The following UBR1 variants were observed in gnomAD, a reference collection of about 807,000 sequenced individuals.
UBR1 encodes ubiquitin protein ligase E3 component n-recognin 1.
UBR1 carries 102 observed loss-of-function variants against 242.1 expected under a neutral mutation model. The ratio of observed to expected loss-of-function variants is 0.42; its 90% confidence interval spans 0.36 to 0.50. The LOEUF (loss-of-function observed/expected upper bound fraction) is 0.50, where lower values mean the gene tolerates loss of function less well. Ranked by LOEUF, UBR1 falls within the 20% of genes least tolerant of loss-of-function variation. The pLI is 0.01. For missense variants in UBR1, 1,772 were observed against 2,101.8 expected, an observed-to-expected ratio of 0.84 and a Z score of 3.07; for synonymous variants, 675 against 684.8, an observed-to-expected ratio of 0.99 and a Z score of 0.22.
At chr15:43,102,601 G>A (rs934730413) in intron 1 of UBR1, among the ~76,000 whole-genome samples, 4 of 152,210 alleles carry the variant, frequency 2.6e-5, no homozygotes, top group Admixed American at 2.0e-4. Context: ...ACAGAAGGCA[G>A]AAGTTCTGGC....
intron 1 of UBR1, among the ~76,000 whole-genome samples, chr15:43,090,994 C>T (rs1386325977): frequency 9.2e-5 from 14 of 152,134 alleles, no homozygotes; most frequent in Non-Finnish European, 1.5e-4. Flanking sequence ...GGCTGGAGTG[C>T]AATGGCACGA....
At chr15:42,980,306 G>A (rs1476690948) in intron 37 of UBR1, among the ~76,000 whole-genome samples, 1 of 152,060 alleles carries the variant, frequency 6.6e-6, no homozygotes, top group Non-Finnish European at 1.5e-5. Context: ...TTTTAACTAT[G>A]GGTTAAGCCA....
At chr15:43,104,651 T>C (rs1364483229) in intron 1 of UBR1, among the ~76,000 whole-genome samples, 1 of 151,990 alleles carries the variant, frequency 6.6e-6, no homozygotes. Flanking sequence ...TAGCTCCCTC[T>C]GTAGTTCCCT....
chr15:42,999,410 T>C (rs1463476335), intron 32 of UBR1, among the ~76,000 whole-genome samples: 2 of 152,246 alleles, frequency 1.3e-5, no homozygotes, highest in Non-Finnish European at 2.9e-5. Flanking sequence ...TTCAGCCCTT[T>C]AACCTACTGC....
In UBR1 at chr15:43,059,179, C is replaced by A. The variant is rs1350052903; in HGVS notation, c.999G>T (p.Gln333His). The change falls in exon 9 of 47, where the codon CAG becomes CAT. Residue 333 changes from glutamine (Q) to histidine (H), a missense_variant. By Grantham distance (24) the Gln-to-His change is conservative. Coordinates refer to ENST00000290650, the MANE Select transcript of UBR1 (RefSeq NM_174916.3). Reference sequence around the variant, plus strand: ...CTCTAAGGCATGCTTGGCAAAAGATCTGCCTAAAGTCACCTACAAACAAAA... The same window carrying A: ...CTCTAAGGCATGCTTGGCAAAAGATATGCCTAAAGTCACCTACAAACAAAA... Reference protein sequence around the residue: ...KIMSYSSDFRQIFCQACLREE... With the variant: ...KIMSYSSDFRHIFCQACLREE... 6.2e-7 allele frequency: 1 copy of A among 1,613,992 alleles called. No homozygotes were observed. Among genetic ancestry groups the A allele is most frequent in the Non-Finnish European group, 8.5e-7 (1 of 1,179,968 alleles).
At chr15:43,005,034 C>T (rs933609556) in intron 30 of UBR1, among the ~76,000 whole-genome samples, 20 of 152,036 alleles carry the variant, frequency 1.3e-4, no homozygotes, top group South Asian at 4.2e-4. Flanking sequence ...GCCGCGACCC[C>T]GTCTGGGAAC....
chr15:43,079,409 A>G (rs1474290320), intron 3 of UBR1, among the ~76,000 whole-genome samples: 1 of 152,212 alleles, frequency 6.6e-6, no homozygotes, highest in Non-Finnish European at 1.5e-5. Flanking sequence ...CTGTACACTA[A>G]AAGGGCCCAT....
intron 29 of UBR1, among the ~76,000 whole-genome samples, chr15:43,010,207 T>G (rs930186197): frequency 1.3e-5 from 2 of 152,134 alleles, no homozygotes; most frequent in East Asian, 3.8e-4. Context: ...ACTCACTAAG[T>G]GTGGTACCAC....
chr15:42,959,846 G>C (rs186762363), intron 43 of UBR1, among the ~76,000 whole-genome samples: 2 of 152,346 alleles, frequency 1.3e-5, no homozygotes, highest in African/African-American at 4.8e-5. Flanking sequence ...GAGTTCCAGG[G>C]TGAGAGAAGA....
chr15:43,090,209 A>G (rs1375197213), intron 1 of UBR1, among the ~76,000 whole-genome samples: 2 of 152,214 alleles, frequency 1.3e-5, no homozygotes, highest in African/African-American at 2.4e-5. Flanking sequence ...ACAGTTCAGT[A>G]AAGTAGGTTA....
intron 12 of UBR1, among the ~76,000 whole-genome samples, chr15:43,051,567 C>T (rs1281209727): frequency 6.6e-6 from 1 of 152,036 alleles, no homozygotes; most frequent in Non-Finnish European, 1.5e-5. Context: ...TACCCCTGAA[C>T]TCAAAATAAA....
intron 4 of UBR1, among the ~76,000 whole-genome samples, chr15:43,071,553 C>T (rs939324983): frequency 5.3e-5 from 8 of 151,980 alleles, no homozygotes; most frequent in Non-Finnish European, 1.2e-4. Flanking sequence ...ATACTTAATA[C>T]TACTGAACGC....
intron 12 of UBR1, among the ~76,000 whole-genome samples, chr15:43,054,222 G>A (rs1445415139): frequency 2.6e-5 from 4 of 151,854 alleles, no homozygotes; most frequent in Admixed American, 2.0e-4. Context: ...ATGGTGGCAC[G>A]TGCCTGTGGT....
intron 4 of UBR1, among the ~76,000 whole-genome samples, chr15:43,071,720 C>CA (rs1204015968): frequency 5.9e-5 from 9 of 152,118 alleles, no homozygotes; most frequent in Non-Finnish European, 5.9e-5. Context: ...TTGACTCCCA[C>CA]AAAAAAGCAA....
chr15:43,055,646 G>A (rs941712700), intron 11 of UBR1, among the ~76,000 whole-genome samples: 1 of 152,108 alleles, frequency 6.6e-6, no homozygotes, highest in Non-Finnish European at 1.5e-5. Flanking sequence ...TGGGCGCGGT[G>A]GCTCACACTT....
At chr15:42,967,810 A>G (rs1196452456) in intron 40 of UBR1, among the ~76,000 whole-genome samples, 1 of 151,832 alleles carries the variant, frequency 6.6e-6, no homozygotes, top group Non-Finnish European at 1.5e-5. Context: ...AAAAAGAAAG[A>G]CTGGTAAAGG....
intron 22 of UBR1, among the ~76,000 whole-genome samples, 165 bp downstream of exon 22, chr15:43,027,611 G>A (rs2033194459): frequency 6.6e-6 from 1 of 152,086 alleles, no homozygotes; most frequent in Admixed American, 6.6e-5. Flanking sequence ...ACAAACAGGT[G>A]CTAAGTGTCT....
intron 45 of UBR1, 62 bp downstream of exon 45, chr15:42,952,216 C>A: frequency 6.2e-7 from 1 of 1,602,754 alleles, no homozygotes; most frequent in South Asian, 1.1e-5. Context: ...CCATAGTGAC[C>A]CCCAGATTGG....
chr15:43,034,783 GC>G (rs2033308942), intron 19 of UBR1, among the ~76,000 whole-genome samples: 1 of 151,596 alleles, frequency 6.6e-6, no homozygotes, highest in South Asian at 2.1e-4. Context: ...TATTCAGGAG[GC>G]TGAGGCAAGA....
Sources: gnomAD v4.1 joint callset for allele counts (sites outside exome capture counted in the v4.1 genomes callset) on GRCh38, gnomAD v4.1.1 for gene constraint, MANE v1.5 for transcripts, NCBI Gene and HGNC (gene_info 2026-07-23, HGNC 2026-07-21) for gene names.